The following PTGDR2 variants were observed in gnomAD, a reference collection of about 807,000 sequenced individuals.
PTGDR2 encodes the protein prostaglandin D2 receptor 2.
For synonymous variants in PTGDR2, 276 were observed against 278.4 expected, an observed-to-expected ratio of 0.99 and a Z score of 0.09; for missense variants, 544 against 576.6, an observed-to-expected ratio of 0.94 and a Z score of 0.58.
intron 1 of PTGDR2, among the ~76,000 whole-genome samples, chr11:60,854,391 G>A (rs1421327597): frequency 6.6e-6 from 1 of 152,230 alleles, no homozygotes; most frequent in Non-Finnish European, 1.5e-5. Context: ...AGCTGGGGAG[G>A]AGGAACTCCC....
Position 60,852,479 on chromosome 11 carries a change from C to G in PTGDR2, c.*56G>C. ...GCAGGAGTCCGGATATCGAATTGAA[C>G]CGCGGCACCCTGGTGATACTTTCGC... On this transcript the variant is annotated 3_prime_UTR_variant, in exon 2 of 2. Coordinates refer to ENST00000332539, the MANE Select transcript of PTGDR2 (RefSeq NM_004778.3). 1 of 1,233,338 alleles carries G rather than the reference C, an allele frequency of 8.1e-7. No homozygotes were observed. The highest frequency in any genetic ancestry group is 1.0e-6 in the Non-Finnish European group (1 of 985,750). 76.4% of individuals were successfully genotyped at this position (1,233,338 alleles called of 1,614,324 possible). A position where few individuals can be genotyped will look rare whatever the true frequency, so the allele number is the denominator to read the frequency against.
Position 60,853,515 on chromosome 11 carries a change from C to T in PTGDR2, c.208G>A (p.Val70Met), listed in dbSNP as rs201972295. ...AGGTCGGACAGCGCCAGGTGCAGCA[C>T]CCAGGTGGTGACCACGGTCTGGCGC... ...RMRQTVVTTW[V>M]LHLALSDLLA... Residue 70 changes from valine to methionine, a missense_variant, in exon 2 of 2, where the codon GTG (valine) becomes ATG (methionine). By Grantham distance (21) the Val-to-Met change is conservative. Coordinates refer to ENST00000332539, the MANE Select transcript of PTGDR2 (RefSeq NM_004778.3). 8.3e-6 allele frequency: 13 copies of T among 1,558,974 alleles called. No homozygotes were observed. Among genetic ancestry groups the T allele is most frequent in the Admixed American group, 3.9e-5 (2 of 51,752 alleles).
At position 60,853,638 on chromosome 11, in the gene PTGDR2, G is replaced by C; in HGVS notation, c.85C>G (p.Arg29Gly). The change falls in exon 2 of 2, where the codon CGC (arginine) becomes GGC (glycine). Residue 29 changes from arginine (R) to glycine (G), a missense_variant. Coordinates refer to ENST00000332539, the MANE Select transcript of PTGDR2 (RefSeq NM_004778.3). ...AGCACGGCCGCGTGGTCGATGTAGC[G>C]GATGCTGGTGTTGCTGTGGCTCTGG... Reference protein sequence around the residue: ...RLQSHSNTSIRYIDHAAVLLH... With the variant: ...RLQSHSNTSIGYIDHAAVLLH... 1 of 1,557,578 alleles carries C rather than the reference G, an allele frequency of 6.4e-7. No individual in the cohort carries two copies. Among genetic ancestry groups the C allele is most frequent in the Non-Finnish European group, 8.7e-7 (1 of 1,150,374 alleles).
intron 1 of PTGDR2, 43 bp from the exon 2 acceptor site, chr11:60,853,774 G>T: frequency 1.4e-6 from 2 of 1,448,786 alleles, no homozygotes; most frequent in Non-Finnish European, 1.8e-6. Context: ...AAGTGCAGAG[G>T]CCACCGGGGA....
intron 1 of PTGDR2, 115 bp from the exon 2 acceptor site, chr11:60,853,846 A>G: frequency 1.7e-6 from 1 of 590,218 alleles, no homozygotes; most frequent in South Asian, 2.0e-5. Context: ...CCACGAATAT[A>G]TTGGGCGGTG....
chr11:60,852,983 A>T lies in PTGDR2; in HGVS notation c.740T>A (p.Leu247Gln). 4 of 1,403,714 alleles carry T rather than the reference A, an allele frequency of 2.8e-6. No homozygotes were observed. The highest frequency in any genetic ancestry group is 3.7e-6 in the Non-Finnish European group (4 of 1,080,888). 87.0% of individuals were successfully genotyped at this position (1,403,714 alleles called of 1,614,324 possible). The change falls in exon 2 of 2, where the codon CTG becomes CAG. Residue 247 changes from leucine (L) to glutamine (Q), a missense_variant. Coordinates refer to ENST00000332539, the MANE Select transcript of PTGDR2 (RefSeq NM_004778.3). ...GRRRPGRFVR[L>Q]VAAVVAAFAL... ...GAAGGCGGCCACGACGGCCGCCACC[A>T]GGCGCACGAAGCGGCCTGGCCGCCG...
At position 60,851,771 on chromosome 11, in the gene PTGDR2, A is replaced by G. The variant is rs1385083204; in HGVS notation, c.*764T>C. 6.6e-6 allele frequency: 1 copy of G among 152,230 alleles called. No individual in the cohort carries two copies. The highest frequency in any genetic ancestry group is 1.5e-5 in the Non-Finnish European group (1 of 68,060). 9.4% of individuals were successfully genotyped at this position (152,230 alleles called of 1,614,324 possible). ...GCACTTTGGGCAGTGCTGGGTCACA[A>G]GGTAGCATCTTAAGTCCCTCGAGTA... On this transcript the variant is annotated 3_prime_UTR_variant, in exon 2 of 2. Coordinates refer to ENST00000332539, the MANE Select transcript of PTGDR2 (RefSeq NM_004778.3).
chr11:60,855,139 G>A (rs932423549), intron 1 of PTGDR2, among the ~76,000 whole-genome samples: 8 of 152,156 alleles, frequency 5.3e-5, no homozygotes, highest in African/African-American at 1.9e-4. Flanking sequence ...TCCTGAGAAT[G>A]GTCATACTTC....
At position 60,852,991 on chromosome 11, in the gene PTGDR2, G is replaced by A. The variant is rs1590578516; in HGVS notation, c.732C>T (p.Phe244=). ...QHRGRRRPGR[F]VRLVAAVVAA... is the part of the protein sequence containing the mutation. ...CCACGACGGCCGCCACCAGGCGCACGAAGCGGCCTGGCCGCCGGCGGCCGC... is the reference window on the plus strand; with the variant it reads ...CCACGACGGCCGCCACCAGGCGCACAAAGCGGCCTGGCCGCCGGCGGCCGC... The change falls in exon 2 of 2, where the codon TTC becomes TTT. Residue 244 remains phenylalanine, a synonymous_variant. Coordinates refer to ENST00000332539, the MANE Select transcript of PTGDR2 (RefSeq NM_004778.3). 2 of 1,414,968 alleles carry A rather than the reference G, an allele frequency of 1.4e-6. No individual in the cohort carries two copies. Among genetic ancestry groups the A allele is most frequent in the Middle Eastern group, 2.3e-4 (1 of 4,426 alleles). The allele number at this position is 1,414,968 out of a possible 1,614,324, so 87.7% of individuals were successfully genotyped here.
chr11:60,852,304 C>T lies in PTGDR2; in HGVS notation c.*231G>A, dbSNP rs1855280761. The T allele has an allele frequency of 5.0e-6, 2 of 401,922 alleles. No individual in the cohort carries two copies. Among genetic ancestry groups the T allele is most frequent in the South Asian group, 1.4e-4 (1 of 7,174 alleles). 24.9% of individuals were successfully genotyped at this position (401,922 alleles called of 1,614,324 possible). On this transcript the variant is annotated 3_prime_UTR_variant, in exon 2 of 2. Transcript: ENST00000332539. ...GGCCCCGGCCTCCTGGATCAGACTG[C>T]ACTTAACAAGACCCCTAGGTGATTC...
intron 1 of PTGDR2, among the ~76,000 whole-genome samples, chr11:60,854,598 A>C (rs1473523217): frequency 6.6e-6 from 1 of 152,218 alleles, no homozygotes; most frequent in Non-Finnish European, 1.5e-5. Context: ...GCTGGTCAAG[A>C]CCAGTGAGGG....
In PTGDR2 at chr11:60,852,562, G is replaced by T. The variant is rs1164709984; in HGVS notation, c.1161C>A (p.Asn387Lys). ...CAASPQTGPL[N>K]RALSSTSS ...AACTCGAGGTGCTGCTCAGCGCCCG[G>T]TTCAGGGGGCCCGTCTGCGGGGACG... Residue 387 changes from asparagine to lysine, a missense_variant, in exon 2 of 2, where the codon AAC becomes AAA. By Grantham distance (94) the Asn-to-Lys change is moderately conservative (BLOSUM62 0). Transcript: ENST00000332539. The T allele has an allele frequency of 1.6e-6, 2 of 1,282,458 alleles. No homozygotes were observed. The highest frequency in any genetic ancestry group is 3.1e-5 in the East Asian group (1 of 31,870). The allele number at this position is 1,282,458 out of a possible 1,614,324, so 79.4% of individuals were successfully genotyped here.
rs1287180867 is a variant in PTGDR2, at chr11:60,852,545, G to A, written c.1178C>T (p.Thr393Ile). Reference protein sequence around the residue: ...TGPLNRALSSTSS With the variant: ...TGPLNRALSSISS ...TACGTGGGCCGGGTTCTAACTCGAG[G>A]TGCTGCTCAGCGCCCGGTTCAGGGG... is the stretch of plus-strand genomic sequence containing the variant. Residue 393 changes from threonine (T) to isoleucine (I), a missense_variant, in exon 2 of 2, where the codon ACC becomes ATC. Thr to Ile is a moderately conservative substitution (Grantham distance 89). Coordinates refer to ENST00000332539, the MANE Select transcript of PTGDR2 (RefSeq NM_004778.3). 6 of 1,269,198 alleles carry A rather than the reference G, an allele frequency of 4.7e-6. No individual in the cohort carries two copies. Among genetic ancestry groups the A allele is most frequent in the Admixed American group, 4.2e-5 (1 of 23,894 alleles). 78.6% of individuals were successfully genotyped at this position (1,269,198 alleles called of 1,614,324 possible).
chr11:60,853,335 A>G lies in PTGDR2; in HGVS notation c.388T>C (p.Cys130Arg). The G allele has an allele frequency of 6.2e-7, 1 of 1,610,058 alleles. No individual in the cohort carries two copies. The highest frequency in any genetic ancestry group is 8.5e-7 in the Non-Finnish European group (1 of 1,178,602). ...CACACCGGCCGCACCACCTGCAGGC[A>G]GCGGTCCAGGCTGATGGCGCTGAGC... ...FLLSAISLDR[C>R]LQVVRPVWAQ... The change falls in exon 2 of 2, where the codon TGC becomes CGC. Residue 130 changes from cysteine to arginine, a missense_variant. Transcript: ENST00000332539.
At position 60,853,152 on chromosome 11, in the gene PTGDR2, G is replaced by T. The variant is rs1173182171; in HGVS notation, c.571C>A (p.Pro191Thr). The T allele has an allele frequency of 1.2e-6, 2 of 1,608,656 alleles. No homozygotes were observed. Among genetic ancestry groups the T allele is most frequent in the Admixed American group, 1.7e-5 (1 of 60,016 alleles). The change falls in exon 2 of 2, where the codon CCG becomes ACG. Residue 191 changes from proline (P) to threonine (T), a missense_variant. Transcript: ENST00000332539. ...CACGTGGCATCGCGGTCAGGCCCCGGGTTCAGGAGCAGCACATTGTAGTAG... is the reference window on the plus strand; with the variant it reads ...CACGTGGCATCGCGGTCAGGCCCCGTGTTCAGGAGCAGCACATTGTAGTAG... Reference protein sequence around the residue: ...MCYYNVLLLNPGPDRDATCNS... With the variant: ...MCYYNVLLLNTGPDRDATCNS...
At chr11:60,853,866 G>A in intron 1 of PTGDR2, 135 bp from the exon 2 acceptor site, 1 of 693,312 alleles carries the variant, frequency 1.4e-6, no homozygotes, top group Non-Finnish European at 2.4e-6. Flanking sequence ...GGGGGTGGGG[G>A]GAATAATATC....
intron 1 of PTGDR2, among the ~76,000 whole-genome samples, chr11:60,855,388 T>C (rs1324687153): frequency 6.6e-6 from 1 of 151,590 alleles, no homozygotes; most frequent in Non-Finnish European, 1.5e-5. Flanking sequence ...TGCCACACCC[T>C]TGGGCACCAC....
chr11:60,854,495 G>T (rs547491443), intron 1 of PTGDR2, among the ~76,000 whole-genome samples: 7 of 152,332 alleles, frequency 4.6e-5, no homozygotes, highest in South Asian at 4.1e-4. Context: ...ACCCACCCCT[G>T]TTCATTCACT....
intron 1 of PTGDR2, 66 bp from the exon 2 acceptor site, chr11:60,853,797 G>A (rs970879363): frequency 1.8e-5 from 23 of 1,301,684 alleles, no homozygotes; most frequent in Non-Finnish European, 2.2e-5. Flanking sequence ...CAAGAGAGAG[G>A]CCCGGAGTGG....
Sources: gnomAD v4.1 joint callset for allele counts (sites outside exome capture counted in the v4.1 genomes callset) on GRCh38, gnomAD v4.1.1 for gene constraint, MANE v1.5 for transcripts, NCBI Gene and HGNC (gene_info 2026-07-23, HGNC 2026-07-21) for gene names.